The following TMTC4 variants were observed in gnomAD, a reference collection of about 807,000 sequenced individuals.
TMTC4 encodes protein O-mannosyl-transferase TMTC4.
Under a neutral mutation model 86.0 loss-of-function variants are expected in TMTC4, and 65 were observed. The observed-to-expected ratio is 0.76, with a 90% CI of 0.62 to 0.93. The LOEUF (loss-of-function observed/expected upper bound fraction) is 0.93, where lower values mean the gene tolerates loss of function less well. Ranked by LOEUF, TMTC4 falls within the 40% of genes least tolerant of loss-of-function variation. TMTC4 has a pLI of 0.00. For missense variants in TMTC4, 866 were observed against 948.1 expected (o/e 0.91, Z 1.14); for synonymous variants, 379 against 382.5 (o/e 0.99, Z 0.11).
chr13:100,611,941 T>C (rs542987054), intron 17 of TMTC4, among the ~76,000 whole-genome samples: 10 of 152,320 alleles, frequency 6.6e-5, no homozygotes, highest in African/African-American at 2.2e-4. Flanking sequence ...GGTTATTCTT[T>C]TGTGCAGAAG....
rs562980132 is a variant in TMTC4, at chr13:100,625,539, C to T, written c.1832G>A (p.Arg611His). The change falls in exon 15 of 19, where the codon CGT (arginine) becomes CAT (histidine). Residue 611 changes from arginine to histidine, a missense_variant. Physicochemically the swap from Arg to His is conservative, Grantham distance 29. Coordinates refer to ENST00000342624, the MANE Select transcript of TMTC4 (RefSeq NM_032813.5). Reference protein sequence around the residue: ...KYPDCYYNLGRLYADLNRHVD... With the variant: ...KYPDCYYNLGHLYADLNRHVD... ...CACAGGGCACCCCGCGCTTACCAGA[C>T]GCCCGAGGTTGTAGTAACAGTCTGG... 37 of 1,613,874 alleles carry T rather than the reference C, an allele frequency of 2.3e-5. No homozygotes were observed. Among genetic ancestry groups the T allele is most frequent in the African/African-American group, 5.3e-5 (4 of 75,040 alleles).
intron 16 of TMTC4, 41 bp from the exon 17 acceptor site, chr13:100,612,551 T>C (rs1191151852): frequency 2.0e-6 from 3 of 1,464,074 alleles, no homozygotes; most frequent in South Asian, 1.2e-5. Context: ...ATGTTAATGT[T>C]GTACTCGCAT....
chr13:100,656,542 C>CTTATTTTTTTTTTTTT (rs1885135674), intron 5 of TMTC4, 74 bp from the exon 6 acceptor site: 1 of 350,206 alleles, frequency 2.9e-6, no homozygotes, highest in African/African-American at 2.6e-5. Flanking sequence ...GGAGACATAA[C>CTTATTTTTTTTTTTTT]TTTTTTTTTT....
At chr13:100,673,892 A>T in intron 1 of TMTC4, 2 of 406,430 alleles carry the variant, frequency 4.9e-6, no homozygotes, top group Non-Finnish European at 6.7e-6. Flanking sequence ...AGTCCCTACT[A>T]TAACTGTTTC....
chr13:100,646,294 G>A (rs1253794622), intron 6 of TMTC4, among the ~76,000 whole-genome samples: 1 of 152,190 alleles, frequency 6.6e-6, no homozygotes, highest in African/African-American at 2.4e-5. Flanking sequence ...CCCGACTGAC[G>A]CTGGAAGGGC....
At chr13:100,654,479 C>A (rs999788545) in intron 6 of TMTC4, among the ~76,000 whole-genome samples, 5 of 152,024 alleles carry the variant, frequency 3.3e-5, no homozygotes, top group African/African-American at 7.2e-5. Context: ...CATTTAAGTA[C>A]CTTTAACTTT....
chr13:100,620,959 A>G (rs1453751457), intron 15 of TMTC4, among the ~76,000 whole-genome samples: 1 of 152,230 alleles, frequency 6.6e-6, no homozygotes, highest in Non-Finnish European at 1.5e-5. Flanking sequence ...AAAGAGGAAA[A>G]AGCTGGATAA....
chr13:100,650,579 C>T (rs1283225), intron 6 of TMTC4, among the ~76,000 whole-genome samples: 108,112 of 151,986 alleles, frequency 0.71, 39,468 homozygotes, highest in East Asian at 0.97. Flanking sequence ...GACTCTCTCT[C>T]TGCCAGAGCA....
intron 15 of TMTC4, among the ~76,000 whole-genome samples, chr13:100,621,996 C>T (rs1879574637): frequency 6.6e-6 from 1 of 152,164 alleles, no homozygotes; most frequent in Non-Finnish European, 1.5e-5. Context: ...CCTCCCCTTC[C>T]CCCTGGGAAC....
intron 6 of TMTC4, among the ~76,000 whole-genome samples, chr13:100,643,376 T>C (rs1263949453): frequency 1.3e-5 from 2 of 152,214 alleles, no homozygotes. Flanking sequence ...ACTCACTGCG[T>C]GACACTGAGC....
At chr13:100,612,656 C>T (rs111589470) in intron 16 of TMTC4, 146 bp from the exon 17 acceptor site, 1 of 49,136 alleles carries the variant, frequency 2.0e-5, no homozygotes, top group Non-Finnish European at 4.9e-5. Context: ...TCATGTAATA[C>T]ACACACACAC....
chr13:100,637,458 A>T, intron 9 of TMTC4, 80 bp downstream of exon 9: 1 of 1,519,854 alleles, frequency 6.6e-7, no homozygotes, highest in South Asian at 1.3e-5. Flanking sequence ...CAGAGGAGTG[A>T]GACGAGGAGG....
intron 6 of TMTC4, among the ~76,000 whole-genome samples, chr13:100,649,310 C>T (rs1884133394): frequency 6.6e-6 from 1 of 152,124 alleles, no homozygotes; most frequent in African/African-American, 2.4e-5. Context: ...AACTTCTGCC[C>T]ACATAATTCC....
rs967227036 is a variant in TMTC4 at position 100,642,410 on chromosome 13, A to G, written c.641-99T>C. 10 of 1,347,252 alleles carry G rather than the reference A, an allele frequency of 7.4e-6. No homozygotes were observed. The African/African-American group carries it at 1.0e-4, about 14-fold the overall frequency. 83.5% of individuals were successfully genotyped at this position (1,347,252 alleles called of 1,614,324 possible). Reference sequence around the variant, plus strand: ...TTCTAAGCAAATACCTTAAACAACCATAACTTAAAAACAGGGTTTGGGCTT... The same window carrying G: ...TTCTAAGCAAATACCTTAAACAACCGTAACTTAAAAACAGGGTTTGGGCTT... On this transcript the variant is annotated intron_variant, in intron 6 of 18. Coordinates refer to ENST00000342624, the MANE Select transcript of TMTC4 (RefSeq NM_032813.5).
chr13:100,654,925 T>G (rs1395243733), intron 6 of TMTC4, among the ~76,000 whole-genome samples: 1 of 152,092 alleles, frequency 6.6e-6, no homozygotes, highest in Non-Finnish European at 1.5e-5. Context: ...AGTAGTGACT[T>G]TAAGGGAGGA....
At chr13:100,644,662 G>T (rs1203117507) in intron 6 of TMTC4, among the ~76,000 whole-genome samples, 1 of 152,126 alleles carries the variant, frequency 6.6e-6, no homozygotes, top group South Asian at 2.1e-4. Context: ...CAAATTTCTA[G>T]ATTTAAAATA....
chr13:100,618,636 GCCTT>G (rs1483475574), intron 15 of TMTC4, among the ~76,000 whole-genome samples: 2 of 152,088 alleles, frequency 1.3e-5, no homozygotes, highest in Admixed American at 1.3e-4. Flanking sequence ...GGACCCTGCG[GCCTT>G]CCGCAGTGTT....
intron 1 of TMTC4, chr13:100,674,478 G>GC (rs1887574724): frequency 1.1e-6 from 1 of 920,230 alleles, no homozygotes; most frequent in African/African-American, 1.8e-5. Context: ...AAGCTCAGGG[G>GC]CCCGAGCGCG....
At chr13:100,626,532 C>T (rs553966565) in intron 12 of TMTC4, among the ~76,000 whole-genome samples, 5 of 152,264 alleles carry the variant, frequency 3.3e-5, no homozygotes, top group Middle Eastern at 3.4e-3. Context: ...GCCATCATAG[C>T]GTGCTGCAGC....
Sources: allele counts gnomAD v4.1 joint callset (sites outside exome capture counted in the v4.1 genomes callset), GRCh38; gene constraint gnomAD v4.1.1; transcripts MANE v1.5; gene names NCBI Gene and HGNC (gene_info 2026-07-23, HGNC 2026-07-21).